The following COL21A1 variants were observed in gnomAD, a reference collection of about 807,000 sequenced individuals.
COL21A1 encodes the protein collagen alpha-1(XXI) chain.
In COL21A1, 149 loss-of-function variants were observed where a neutral mutation model predicts 137.9. The observed-to-expected ratio is 1.08, with a 90% CI of 0.95 to 1.24. The LOEUF is 1.24. Among genes scored for constraint, COL21A1 ranks in the 50% most tolerant of loss-of-function variants. COL21A1 has a pLI of 0.00. For missense variants in COL21A1, 1,167 were observed against 1,158.4 expected, an observed-to-expected ratio of 1.01 and a Z score of -0.11; for synonymous variants, 456 against 391.5, an observed-to-expected ratio of 1.16 and a Z score of -1.95.
intron 16 of COL21A1, among the ~76,000 whole-genome samples, chr6:56,109,554 G>T (rs916035671): frequency 6.6e-6 from 1 of 151,744 alleles, no homozygotes; most frequent in Admixed American, 6.6e-5. Flanking sequence ...ATAAGAGAAA[G>T]TTATCCAAGA....
At chr6:56,361,918 T>C (rs1765980957) in intron 1 of COL21A1, among the ~76,000 whole-genome samples, 1 of 152,184 alleles carries the variant, frequency 6.6e-6, no homozygotes, top group African/African-American at 2.4e-5. Context: ...ATATCAAGCA[T>C]TGTTTTCAAA....
chr6:56,125,404 CTTTTTTTCT>C (rs1043800675), intron 14 of COL21A1, 154 bp downstream of exon 14: 12 of 451,674 alleles, frequency 2.7e-5, no homozygotes, highest in Non-Finnish European at 4.3e-5. Context: ...GTCACCAGCT[CTTTTTTTCT>C]TTTTTTTCTT....
At chr6:56,359,326 A>G (rs1457235262) in intron 1 of COL21A1, among the ~76,000 whole-genome samples, 1 of 152,102 alleles carries the variant, frequency 6.6e-6, no homozygotes, top group Middle Eastern at 3.2e-3. Context: ...TTTGTCTCCT[A>G]TAGTTTGGGG....
chr6:56,155,339 T>TTTTG (rs992278509), intron 10 of COL21A1, among the ~76,000 whole-genome samples: 7 of 152,212 alleles, frequency 4.6e-5, no homozygotes, highest in Non-Finnish European at 8.8e-5. Context: ...TTGTGGTTTT[T>TTTTG]TTTGTTTGTT....
At chr6:56,239,098 T>G (rs1782097597) in intron 1 of COL21A1, among the ~76,000 whole-genome samples, 1 of 152,180 alleles carries the variant, frequency 6.6e-6, no homozygotes, top group South Asian at 2.1e-4. Flanking sequence ...GCTATTACTC[T>G]ATATGGCCTC....
intron 1 of COL21A1, among the ~76,000 whole-genome samples, chr6:56,271,874 T>C (rs780146738): frequency 6.6e-6 from 1 of 152,122 alleles, no homozygotes; most frequent in African/African-American, 2.4e-5. Flanking sequence ...TTCCATGTGG[T>C]GTTGGGACTG....
intron 16 of COL21A1, among the ~76,000 whole-genome samples, chr6:56,105,554 A>C (rs1185868384): frequency 6.6e-6 from 1 of 152,138 alleles, no homozygotes; most frequent in Non-Finnish European, 1.5e-5. Context: ...TAGGGTCAAT[A>C]GTTTCATCAT....
intron 9 of COL21A1, among the ~76,000 whole-genome samples, chr6:56,161,202 T>A (rs562943209): frequency 5.1e-4 from 77 of 152,242 alleles, no homozygotes; most frequent in Non-Finnish European, 9.9e-4. Flanking sequence ...ATGGCTATAG[T>A]AAAATGGTAT....
chr6:56,090,246 A>T (rs761116497), intron 17 of COL21A1, among the ~76,000 whole-genome samples: 69 of 152,314 alleles, frequency 4.5e-4, no homozygotes, highest in Non-Finnish European at 7.8e-4. Flanking sequence ...GAAGAAAAAA[A>T]GATTTCTTAG....
intron 16 of COL21A1, among the ~76,000 whole-genome samples, chr6:56,109,493 T>C (rs1771227902): frequency 6.6e-6 from 1 of 151,892 alleles, no homozygotes; most frequent in African/African-American, 2.4e-5. Context: ...TTATTATTAT[T>C]GACCCTATGA....
At chr6:56,334,731 G>C (rs920545608) in intron 1 of COL21A1, among the ~76,000 whole-genome samples, 3 of 152,042 alleles carry the variant, frequency 2.0e-5, no homozygotes, top group Non-Finnish European at 2.9e-5. Flanking sequence ...TAACACTATT[G>C]GAAGGTAGGG....
chr6:56,119,125 G>C (rs1391361567), intron 16 of COL21A1, among the ~76,000 whole-genome samples: 2 of 152,000 alleles, frequency 1.3e-5, no homozygotes, highest in Non-Finnish European at 2.9e-5. Context: ...AAATTGGAAA[G>C]GGAGAAGTAA....
chr6:56,349,120 C>T (rs191340706), intron 1 of COL21A1, among the ~76,000 whole-genome samples: 4 of 152,198 alleles, frequency 2.6e-5, no homozygotes, highest in Admixed American at 6.5e-5. Context: ...ATTTAAAATA[C>T]CCTCTTTCTG....
intron 10 of COL21A1, among the ~76,000 whole-genome samples, chr6:56,151,749 C>T (rs1035072370): frequency 1.9e-4 from 29 of 152,180 alleles, no homozygotes; most frequent in African/African-American, 7.0e-4. Context: ...TTCCAAGTTT[C>T]CTTGGTCCAG....
intron 1 of COL21A1, among the ~76,000 whole-genome samples, chr6:56,338,444 C>A (rs998239697): frequency 6.6e-6 from 1 of 152,026 alleles, no homozygotes; most frequent in South Asian, 2.1e-4. Flanking sequence ...CACCCTGACC[C>A]TTTCTGAGCC....
chr6:56,090,381 T>A (rs982108826), intron 17 of COL21A1, among the ~76,000 whole-genome samples: 7 of 152,256 alleles, frequency 4.6e-5, no homozygotes, highest in African/African-American at 1.7e-4. Flanking sequence ...TTATGTCATT[T>A]ATGATAGGAA....
intron 14 of COL21A1, chr6:56,125,357 A>T (rs563323195): frequency 2.7e-6 from 1 of 369,296 alleles, no homozygotes; most frequent in African/African-American, 2.1e-5. Flanking sequence ...CAACAATACA[A>T]CATAATCTTA....
intron 1 of COL21A1, among the ~76,000 whole-genome samples, chr6:56,311,473 T>C (rs1764613003): frequency 6.6e-6 from 1 of 152,216 alleles, no homozygotes; most frequent in African/African-American, 2.4e-5. Flanking sequence ...TTTATAATTA[T>C]ATTTTTATGA....
chr6:56,317,120 C>T lies in COL21A1; in HGVS notation c.-39+76851G>A, dbSNP rs377764387. 2.4e-4 allele frequency among the ~76,000 whole-genome samples: 36 copies of T among 152,272 alleles called. No individual in the cohort carries two copies. The South Asian group carries it at 7.5e-3, about 32-fold the overall frequency. ...CAGCTGTGACTGTCTGCACTCACCT[C>T]TCTCTCCAGATGTCAGGGTGGCAGT... On this transcript the variant is annotated intron_variant, in intron 1 of 28. Transcript: ENST00000370819.
Sources: gnomAD v4.1 joint callset for allele counts (sites outside exome capture counted in the v4.1 genomes callset) on GRCh38, gnomAD v4.1.1 for gene constraint, MANE v1.5 for transcripts, NCBI Gene and HGNC (gene_info 2026-07-23, HGNC 2026-07-21) for gene names.